The following CPQ variants were observed in gnomAD, a reference collection of about 807,000 sequenced individuals.
CPQ encodes carboxypeptidase Q.
Under a neutral mutation model 45.7 loss-of-function variants are expected in CPQ, and 37 were observed. The observed-to-expected ratio is 0.81, with a 90% CI of 0.62 to 1.07. The LOEUF (loss-of-function observed/expected upper bound fraction) is 1.07. Ranked by LOEUF, CPQ falls within the 50% of genes least tolerant of loss-of-function variation. The pLI is 0.00. For missense variants in CPQ, 537 were observed against 572.9 expected (o/e 0.94, Z 0.64); for synonymous variants, 186 against 205.8 (o/e 0.90, Z 0.82).
intron 2 of CPQ, among the ~76,000 whole-genome samples, chr8:96,798,218 C>A (rs943072629): frequency 9.2e-5 from 14 of 151,994 alleles, no homozygotes; most frequent in Non-Finnish European, 7.4e-5. Context: ...CAGCCTGAGC[C>A]TCCCAGGCTC....
intron 1 of CPQ, among the ~76,000 whole-genome samples, chr8:96,782,736 CT>C (rs568386450): frequency 7.9e-4 from 120 of 152,164 alleles, no homozygotes; most frequent in African/African-American, 2.8e-3. Context: ...TTTCTTTCCC[CT>C]CACATTCTAT....
chr8:96,664,388 A>T (rs1281407372), intron 1 of CPQ, among the ~76,000 whole-genome samples: 1 of 152,236 alleles, frequency 6.6e-6, no homozygotes. Flanking sequence ...CTCTTCAGTT[A>T]CGTAGAAGAG....
chr8:96,670,196 C>T (rs1808982138), intron 1 of CPQ, among the ~76,000 whole-genome samples: 1 of 152,108 alleles, frequency 6.6e-6, no homozygotes, highest in African/African-American at 2.4e-5. Context: ...CATATCAAAA[C>T]CGTGGCACTA....
intron 1 of CPQ, among the ~76,000 whole-genome samples, chr8:96,772,809 G>A (rs1379253090): frequency 1.3e-5 from 2 of 152,164 alleles, no homozygotes; most frequent in Non-Finnish European, 2.9e-5. Flanking sequence ...GGTTGCAGGA[G>A]ACAGCAAAAC....
chr8:96,906,821 A>G (rs1032329207), intron 4 of CPQ, among the ~76,000 whole-genome samples: 1 of 152,268 alleles, frequency 6.6e-6, no homozygotes, highest in Admixed American at 6.5e-5. Context: ...GTCACATCAC[A>G]TATGAATTTT....
intron 2 of CPQ, among the ~76,000 whole-genome samples, chr8:96,820,008 C>T (rs1176343919): frequency 3.3e-5 from 5 of 152,086 alleles, no homozygotes; most frequent in Non-Finnish European, 1.5e-5. Flanking sequence ...GTCAGAATTG[C>T]ATAAGCTGAC....
intron 7 of CPQ, among the ~76,000 whole-genome samples, chr8:97,091,923 C>T (rs984959966): frequency 1.3e-5 from 2 of 151,964 alleles, no homozygotes; most frequent in African/African-American, 4.8e-5. Context: ...TCATGCTCAT[C>T]TGAACCTCAT....
At chr8:96,956,377 G>A (rs571451309) in intron 4 of CPQ, among the ~76,000 whole-genome samples, 3 of 151,948 alleles carry the variant, frequency 2.0e-5, no homozygotes, top group Non-Finnish European at 2.9e-5. Flanking sequence ...AATCATTTTC[G>A]GACCATTTTT....
chr8:97,077,589 A>G (rs551791743), intron 7 of CPQ, among the ~76,000 whole-genome samples: 3 of 152,356 alleles, frequency 2.0e-5, no homozygotes, highest in Non-Finnish European at 2.9e-5. Flanking sequence ...TTAACTTTTT[A>G]TAATAGATCT....
intron 1 of CPQ, among the ~76,000 whole-genome samples, chr8:96,772,338 C>T (rs1006289401): frequency 1.3e-5 from 2 of 151,848 alleles, no homozygotes; most frequent in Non-Finnish European, 2.9e-5. Context: ...CCAAAATGGT[C>T]CCAGATGATG....
At chr8:96,905,457 C>G (rs969004679) in intron 4 of CPQ, among the ~76,000 whole-genome samples, 1 of 152,050 alleles carries the variant, frequency 6.6e-6, no homozygotes, top group Non-Finnish European at 1.5e-5. Context: ...TGAACACTGC[C>G]CCATACAAAG....
intron 5 of CPQ, among the ~76,000 whole-genome samples, chr8:96,986,433 C>A (rs888803749): frequency 2.0e-5 from 3 of 152,144 alleles, no homozygotes; most frequent in South Asian, 2.1e-4. Context: ...TTTATTCTTG[C>A]AGAATAGTGC....
At chr8:97,005,223 A>C (rs1362669285) in intron 5 of CPQ, among the ~76,000 whole-genome samples, 1 of 151,866 alleles carries the variant, frequency 6.6e-6, no homozygotes, top group Non-Finnish European at 1.5e-5. Flanking sequence ...CTGGGACTAC[A>C]GGTGTGTGCC....
At chr8:97,064,385 TAAGACATTAATGCA>T (rs1465504138) in intron 6 of CPQ, among the ~76,000 whole-genome samples, 1 of 152,196 alleles carries the variant, frequency 6.6e-6, no homozygotes, top group African/African-American at 2.4e-5. Flanking sequence ...GCCCTGAATG[TAAGACATTAATGCA>T]AATATTTTGC....
intron 1 of CPQ, among the ~76,000 whole-genome samples, chr8:96,764,080 C>A (rs1810438860): frequency 6.6e-6 from 1 of 152,098 alleles, no homozygotes; most frequent in Non-Finnish European, 1.5e-5. Context: ...TTGTTATAGC[C>A]CTCCTTGTTA....
chr8:96,673,481 G>C (rs1809033447), intron 1 of CPQ, among the ~76,000 whole-genome samples: 1 of 152,104 alleles, frequency 6.6e-6, no homozygotes, highest in Admixed American at 6.6e-5. Context: ...TGGTGGGAGG[G>C]GACAAATCAG....
chr8:96,932,724 A>G (rs1208260216), intron 4 of CPQ, among the ~76,000 whole-genome samples: 1 of 152,224 alleles, frequency 6.6e-6, no homozygotes, highest in Non-Finnish European at 1.5e-5. Flanking sequence ...CAGTGAGTAC[A>G]AACAGCTTTG....
At chr8:96,910,839 T>G (rs1458918983) in intron 4 of CPQ, among the ~76,000 whole-genome samples, 1 of 152,084 alleles carries the variant, frequency 6.6e-6, no homozygotes, top group African/African-American at 2.4e-5. Flanking sequence ...CCTCTTATTT[T>G]AAGTTGGAAA....
intron 1 of CPQ, among the ~76,000 whole-genome samples, chr8:96,737,430 G>A (rs999139518): frequency 6.7e-6 from 1 of 149,792 alleles, no homozygotes; most frequent in African/African-American, 2.5e-5. Context: ...TCTGCAAGGG[G>A]AGGAGAAAGG....
Sources: gnomAD v4.1 joint callset for allele counts (sites outside exome capture counted in the v4.1 genomes callset) on GRCh38, gnomAD v4.1.1 for gene constraint, MANE v1.5 for transcripts, NCBI Gene and HGNC (gene_info 2026-07-23, HGNC 2026-07-21) for gene names.